PCDHA8: variants seen among roughly 807,000 people sequenced by gnomAD.
PCDHA8 encodes protocadherin alpha 8, also known as protocadherin alpha-8.
Under a neutral mutation model 61.8 loss-of-function variants are expected in PCDHA8, and 53 were observed. That is an observed-to-expected ratio of 0.86 (90% CI 0.69 to 1.08). PCDHA8 has a LOEUF of 1.08. Ranked by LOEUF, PCDHA8 falls within the 50% of genes least tolerant of loss-of-function variation. The pLI, the probability that PCDHA8 is intolerant of heterozygous loss-of-function variation, is 0.00. For missense variants in PCDHA8, 1,293 were observed against 1,245.0 expected, an observed-to-expected ratio of 1.04 and a Z score of -0.58; for synonymous variants, 618 against 556.6, an observed-to-expected ratio of 1.11 and a Z score of -1.55.
intron 3 of PCDHA8, among the ~76,000 whole-genome samples, chr5:140,996,581 A>C (rs1554255228): frequency 6.6e-6 from 1 of 152,118 alleles, no homozygotes; most frequent in Non-Finnish European, 1.5e-5. Flanking sequence ...ATTTGTTAAC[A>C]AGGGCCGCCT....
At chr5:140,902,473 T>A (rs2069483138) in intron 1 of PCDHA8, among the ~76,000 whole-genome samples, 1 of 152,208 alleles carries the variant, frequency 6.6e-6, no homozygotes, top group African/African-American at 2.4e-5. Context: ...CTTTGAGTTT[T>A]TGCCTGCTCA....
chr5:140,851,389 TCTATTATTTTAATAA>T, intron 1 of PCDHA8: 2 of 974,212 alleles, frequency 2.1e-6, no homozygotes, highest in Non-Finnish European at 2.5e-6. Flanking sequence ...ACCTTCAGTA[TCTATTATTTTAATAA>T]GAAAGAAACT....
chr5:140,877,569 C>T (rs782129855), intron 1 of PCDHA8: 1 of 1,613,806 alleles, frequency 6.2e-7, no homozygotes, highest in Admixed American at 1.7e-5. Flanking sequence ...TTAACGTGTA[C>T]CTCATCATCG....
intron 1 of PCDHA8, chr5:140,966,755 C>T (rs1554228616): frequency 7.0e-7 from 1 of 1,434,520 alleles, no homozygotes; most frequent in Admixed American, 2.7e-5. Context: ...GCCTCCGCCG[C>T]GGCCAGTGGC....
intron 1 of PCDHA8, among the ~76,000 whole-genome samples, chr5:140,972,283 A>C (rs2096528536): frequency 2.7e-5 from 4 of 149,876 alleles, no homozygotes; most frequent in Admixed American, 2.7e-4. Flanking sequence ...TGGACCATAG[A>C]TGTGCGCCAC....
chr5:140,966,452 C>T, intron 1 of PCDHA8: 1 of 425,890 alleles, frequency 2.3e-6, no homozygotes, highest in South Asian at 9.0e-5. Flanking sequence ...TTTCCCCCTC[C>T]CCCTCTGTCT....
intron 3 of PCDHA8, among the ~76,000 whole-genome samples, chr5:140,993,462 T>TCA (rs3836747): frequency 0.1 from 14,588 of 140,880 alleles, 728 homozygotes; most frequent in Middle Eastern, 0.17. Context: ...TCTTTCTTTC[T>TCA]CACACACACA....
At chr5:140,927,243 C>A in intron 1 of PCDHA8, 1 of 1,614,132 alleles carries the variant, frequency 6.2e-7, no homozygotes. Flanking sequence ...TCCTGGACAC[C>A]AATGACAACT....
intron 1 of PCDHA8, among the ~76,000 whole-genome samples, chr5:140,902,484 G>T (rs1211102117): frequency 3.3e-5 from 5 of 152,096 alleles, no homozygotes; most frequent in African/African-American, 1.2e-4. Context: ...TGCCTGCTCA[G>T]TATGATACTA....
In PCDHA8 at chr5:140,841,822, GTTAACCTAC is replaced by G; in HGVS notation, c.502_510del (p.Leu168_Tyr170del). ...ATGCAGATGTTGGAGCTAACTCCGT[GTTAACCTAC>G]AGGCTTAGCTCTCATGATTACTTCA... On this transcript the variant is annotated inframe_deletion, in exon 1 of 4. Transcript: ENST00000531613. 6.2e-7 allele frequency: 1 copy of G among 1,613,942 alleles called. No individual in the cohort carries two copies. Among genetic ancestry groups the G allele is most frequent in the Non-Finnish European group, 8.5e-7 (1 of 1,179,874 alleles).
Position 140,841,285 on chromosome 5 carries a change from T to G in PCDHA8, c.-37T>G, listed in dbSNP as rs2150312602. ...AAAGTACAGTCGTTCATCTTTATAT[T>G]AAGATAATATTTTCTGATAGGAAAC... On this transcript the variant is annotated 5_prime_UTR_variant, in exon 1 of 4. The change creates a new upstream start codon in the 5' untranslated region. Transcript: ENST00000531613. 1.3e-6 allele frequency: 2 copies of G among 1,550,288 alleles called. No homozygotes were observed. Among genetic ancestry groups the G allele is most frequent in the East Asian group, 2.3e-5 (1 of 44,376 alleles).
At chr5:140,863,023 G>T (rs782495275) in intron 1 of PCDHA8, 12 of 553,926 alleles carry the variant, frequency 2.2e-5, no homozygotes, top group South Asian at 1.5e-4. Context: ...CCTGGTTGTC[G>T]CAACAGCTGC....
At chr5:140,966,937 C>A in intron 1 of PCDHA8, 1 of 1,604,032 alleles carries the variant, frequency 6.2e-7, no homozygotes. Context: ...CCGGCGCGCT[C>A]GTGGGCAACG....
intron 1 of PCDHA8, among the ~76,000 whole-genome samples, chr5:140,973,059 A>G (rs2096570291): frequency 6.6e-6 from 1 of 152,062 alleles, no homozygotes; most frequent in African/African-American, 2.4e-5. Context: ...TTTGTCCAAC[A>G]GTGTCTCAGT....
chr5:140,993,266 T>G (rs1049781348), intron 3 of PCDHA8, among the ~76,000 whole-genome samples: 1 of 152,182 alleles, frequency 6.6e-6, no homozygotes, highest in Non-Finnish European at 1.5e-5. Flanking sequence ...AATTAGCTTC[T>G]TTGGTCTTTT....
Position 141,009,957 on chromosome 5 carries a change from G to T in PCDHA8, c.*20G>T. ...CAGTGAGGTCCTCAAATGGAAACAA[G>T]CCACTTAGCCAGTTTTTGTAATAAT... On this transcript the variant is annotated 3_prime_UTR_variant, in exon 4 of 4. Coordinates refer to ENST00000531613, the MANE Select transcript of PCDHA8 (RefSeq NM_018911.3). 1 of 1,589,160 alleles carries T rather than the reference G, an allele frequency of 6.3e-7. No homozygotes were observed. Among genetic ancestry groups the T allele is most frequent in the Non-Finnish European group, 8.5e-7 (1 of 1,171,102 alleles).
At chr5:140,986,981 A>G (rs1180752989) in intron 3 of PCDHA8, among the ~76,000 whole-genome samples, 1 of 152,146 alleles carries the variant, frequency 6.6e-6, no homozygotes, top group Non-Finnish European at 1.5e-5. Flanking sequence ...TGGGAGGCCA[A>G]GGCAGGCAGA....
chr5:140,882,061 G>GT, intron 1 of PCDHA8: 1 of 816,902 alleles, frequency 1.2e-6, no homozygotes, highest in Non-Finnish European at 1.9e-6. Flanking sequence ...ACACTTACAC[G>GT]TTCATGCGCA....
At chr5:140,911,759 T>A (rs2075630155) in intron 1 of PCDHA8, among the ~76,000 whole-genome samples, 3 of 152,026 alleles carry the variant, frequency 2.0e-5, no homozygotes, top group South Asian at 2.1e-4. Context: ...TTCTCCATAC[T>A]ATTAGAAGTA....
Sources: allele counts gnomAD v4.1 joint callset (sites outside exome capture counted in the v4.1 genomes callset), GRCh38; gene constraint gnomAD v4.1.1; transcripts MANE v1.5; gene names NCBI Gene and HGNC (gene_info 2026-07-23, HGNC 2026-07-21).